SERPINB13: variants seen among roughly 807,000 people sequenced by gnomAD.
SERPINB13 encodes serpin B13.
In SERPINB13, 26 loss-of-function variants were observed where a neutral mutation model predicts 31.2. The ratio of observed to expected loss-of-function variants is 0.83; its 90% confidence interval spans 0.61 to 1.15. The LOEUF (loss-of-function observed/expected upper bound fraction) is 1.15. Ranked by LOEUF, SERPINB13 falls within the 50% of genes most tolerant of loss-of-function variation. SERPINB13 has a pLI of 0.00. For missense variants in SERPINB13, 510 were observed against 469.4 expected, an observed-to-expected ratio of 1.09 and a Z score of -0.80; for synonymous variants, 191 against 172.4, an observed-to-expected ratio of 1.11 and a Z score of -0.85.
At chr18:63,596,167 T>C (rs1385288251) in intron 7 of SERPINB13, among the ~76,000 whole-genome samples, 2 of 152,182 alleles carry the variant, frequency 1.3e-5, no homozygotes, top group East Asian at 3.9e-4. Context: ...AGCACTCAAA[T>C]GATAACTGCT....
chr18:63,587,681 G>A (rs1487771182), intron 1 of SERPINB13, among the ~76,000 whole-genome samples: 1 of 152,242 alleles, frequency 6.6e-6, no homozygotes, highest in Non-Finnish European at 1.5e-5. Flanking sequence ...TGAAATGAAA[G>A]CTTTGATATC....
At chr18:63,592,827 T>C in intron 4 of SERPINB13, 27 bp from the exon 5 acceptor site, 1 of 1,435,962 alleles carries the variant, frequency 7.0e-7, no homozygotes, top group Non-Finnish European at 9.7e-7. Flanking sequence ...TTAACCTCTT[T>C]TTATTCCTTC....
chr18:63,594,980 C>T (rs1912075924), intron 6 of SERPINB13, 49 bp from the exon 7 acceptor site: 3 of 1,541,516 alleles, frequency 1.9e-6, no homozygotes, highest in Non-Finnish European at 2.6e-6. Flanking sequence ...GCCTTAATGC[C>T]TTTGGTCTTA....
intron 2 of SERPINB13, among the ~76,000 whole-genome samples, chr18:63,589,420 AC>A (rs1382861319): frequency 6.6e-6 from 1 of 150,570 alleles, no homozygotes; most frequent in Non-Finnish European, 1.5e-5. Context: ...ATGCCACTTC[AC>A]TCCAACCTGG....
chr18:63,589,306 C>T (rs560258307), intron 2 of SERPINB13, among the ~76,000 whole-genome samples: 3 of 152,248 alleles, frequency 2.0e-5, no homozygotes, highest in Admixed American at 6.5e-5. Context: ...CAGGCATGAG[C>T]TTAGCTGGGT....
chr18:63,597,404 A>G lies in SERPINB13; in HGVS notation c.*41A>G, dbSNP rs986521636. ...GGCATTGCTGCTTTTAGCAAAAAAC[A>G]ACTACCAGTGTTACTCATATGATTA... On this transcript the variant is annotated 3_prime_UTR_variant, in exon 8 of 8. Coordinates refer to ENST00000344731, the MANE Select transcript of SERPINB13 (RefSeq NM_012397.4). The G allele has an allele frequency of 1.9e-6, 3 of 1,558,984 alleles. No individual in the cohort carries two copies. Among genetic ancestry groups the G allele is most frequent in the Non-Finnish European group, 2.6e-6 (3 of 1,148,064 alleles).
chr18:63,594,401 C>A lies in SERPINB13; in HGVS notation c.519C>A (p.Thr173=). ...LFPDGSISSS[T]KLVLVNMVYF... The stretch of plus-strand genomic sequence containing the variant: ...CAGATGGCTCTATTAGTAGCTCTAC[C>A]AAGCTGGTGCTGGTGAACATGGTTT... Residue 173 remains threonine (T), a synonymous_variant, in exon 6 of 8, where the codon ACC becomes ACA. Coordinates refer to ENST00000344731, the MANE Select transcript of SERPINB13 (RefSeq NM_012397.4). The A allele has an allele frequency of 3.1e-6, 5 of 1,614,134 alleles. No individual in the cohort carries two copies. The highest frequency in any genetic ancestry group is 4.2e-6 in the Non-Finnish European group (5 of 1,179,996).
In SERPINB13 at chr18:63,595,133, C is replaced by T. The variant is rs17071357; in HGVS notation, c.720C>T (p.Asn240=). Residue 240 remains asparagine (N), a synonymous_variant, in exon 7 of 8, where the codon AAC becomes AAT. Coordinates refer to ENST00000344731, the MANE Select transcript of SERPINB13 (RefSeq NM_012397.4). ...AKILGIPYKN[N]DLSMFVLLPN... is the part of the protein sequence containing the mutation. ...TTCTAGGGATTCCATATAAAAACAA[C>T]GACCTAAGCATGTTTGTGCTTCTGC... 0.052 allele frequency: 83,121 copies of T among 1,613,768 alleles called. 2,434 individuals carry two copies. The highest frequency in any genetic ancestry group is 0.1 in the Admixed American group (6,001 of 59,952).
rs368658099 is a variant in SERPINB13, at chr18:63,595,163, C to T, written c.750C>T (p.Asn250=). The change falls in exon 7 of 8, where the codon AAC becomes AAT. Residue 250 remains asparagine (N), a synonymous_variant. Transcript: ENST00000344731. ...TAAGCATGTTTGTGCTTCTGCCCAA[C>T]GACATCGATGGCCTGGAGAAGGTAA... is the stretch of plus-strand genomic sequence containing the variant. ...NDLSMFVLLP[N]DIDGLEKIID... 258 of 1,613,002 alleles carry T rather than the reference C, an allele frequency of 1.6e-4. No homozygotes were observed. Among genetic ancestry groups the T allele is most frequent in the Non-Finnish European group, 1.9e-4 (228 of 1,179,684 alleles).
intron 3 of SERPINB13, 193 bp downstream of exon 3, chr18:63,589,908 C>T: frequency 8.8e-7 from 1 of 1,140,910 alleles, no homozygotes; most frequent in Non-Finnish European, 1.2e-6. Flanking sequence ...TAATAATAAC[C>T]CCTTAATATT....
Position 63,597,095 on chromosome 18 carries a change from T to G in SERPINB13, c.908T>G (p.Met303Arg), listed in dbSNP as rs762818259. The G allele has an allele frequency of 6.8e-5, 109 of 1,614,056 alleles. No individual in the cohort carries two copies. Among genetic ancestry groups the G allele is most frequent in the Non-Finnish European group, 9.0e-5 (106 of 1,180,030 alleles). The change falls in exon 8 of 8, where the codon ATG becomes AGG. Residue 303 changes from methionine to arginine, a missense_variant. Coordinates refer to ENST00000344731, the MANE Select transcript of SERPINB13 (RefSeq NM_012397.4). ...GATCTAGAGGCGGTCCTGGCTGCCATGGGGATGGGCGATGCCTTCAGTGAG... is the reference window on the plus strand; with the variant it reads ...GATCTAGAGGCGGTCCTGGCTGCCAGGGGGATGGGCGATGCCTTCAGTGAG... ...GYDLEAVLAAMGMGDAFSEHK... is the reference protein window; with the variant it reads ...GYDLEAVLAARGMGDAFSEHK...
chr18:63,595,488 T>C (rs1912111293), intron 7 of SERPINB13, among the ~76,000 whole-genome samples: 1 of 152,150 alleles, frequency 6.6e-6, no homozygotes, highest in Non-Finnish European at 1.5e-5. Flanking sequence ...AAAAAAGAAA[T>C]CACATATGCA....
In SERPINB13 at chr18:63,597,100, A is replaced by T. The variant is rs558201022; in HGVS notation, c.913A>T (p.Met305Leu). Residue 305 changes from methionine to leucine, a missense_variant, in exon 8 of 8, where the codon ATG (methionine) becomes TTG (leucine). Physicochemically the swap from Met to Leu is conservative, Grantham distance 15. Transcript: ENST00000344731. ...DLEAVLAAMG[M>L]GDAFSEHKAD... Reference sequence around the variant, plus strand: ...AGAGGCGGTCCTGGCTGCCATGGGGATGGGCGATGCCTTCAGTGAGCACAA... The same window carrying T: ...AGAGGCGGTCCTGGCTGCCATGGGGTTGGGCGATGCCTTCAGTGAGCACAA... 5.6e-6 allele frequency: 9 copies of T among 1,614,160 alleles called. No homozygotes were observed. The highest frequency in any genetic ancestry group is 1.3e-5 in the African/African-American group (1 of 75,048).
At position 63,589,646 on chromosome 18, in the gene SERPINB13, T is replaced by C; in HGVS notation, c.166-10T>C. ...CTGAGCACCACAGTAATATTTTCTA[T>C]CTCTTCCAGGTGTTTCACTCTGAAA... On this transcript the variant is annotated splice_polypyrimidine_tract_variant and intron_variant, in intron 2 of 7. Coordinates refer to ENST00000344731, the MANE Select transcript of SERPINB13 (RefSeq NM_012397.4). 2.5e-6 allele frequency: 4 copies of C among 1,613,076 alleles called. No homozygotes were observed. The highest frequency in any genetic ancestry group is 1.7e-5 in the Admixed American group (1 of 59,922).
chr18:63,588,169 C>T (rs1054713527), intron 1 of SERPINB13, among the ~76,000 whole-genome samples: 2 of 152,144 alleles, frequency 1.3e-5, no homozygotes, highest in Non-Finnish European at 2.9e-5. Context: ...ATTCAAGTCT[C>T]GGCTTAATTA....
In SERPINB13 at chr18:63,598,046, T is replaced by TTG. The variant is rs1311846369; in HGVS notation, c.*685_*686dup. 6.6e-6 allele frequency: 1 copy of TTG among 152,192 alleles called. No individual in the cohort carries two copies. Among genetic ancestry groups the TTG allele is most frequent in the Non-Finnish European group, 1.5e-5 (1 of 68,018 alleles). The allele number at this position is 152,192 out of a possible 1,614,324, so 9.4% of individuals were successfully genotyped here. The stretch of plus-strand genomic sequence containing the variant: ...TCCTCCTCTATCACCTTTTTAGACT[T>TTG]TGTAAGGTAAATATTTGGACTAACT... On this transcript the variant is annotated 3_prime_UTR_variant, in exon 8 of 8. Transcript: ENST00000344731.
chr18:63,597,331 A>G lies in SERPINB13; in HGVS notation c.1144A>G (p.Ile382Val), dbSNP rs1912244382. 4.3e-6 allele frequency: 7 copies of G among 1,613,718 alleles called. No homozygotes were observed. Among genetic ancestry groups the G allele is most frequent in the African/African-American group, 1.3e-5 (1 of 75,046 alleles). The change falls in exon 8 of 8, where the codon ATC becomes GTC. Residue 382 changes from isoleucine to valine, a missense_variant. Transcript: ENST00000344731. ...CATCAGGCACAATGAATCCAACAGC[A>G]TCCTCTTCTTCGGCAGATTTTCTTC... ...FFIRHNESNS[I>V]LFFGRFSSP is the part of the protein sequence containing the mutation.
intron 3 of SERPINB13, chr18:63,589,935 T>A: frequency 4.5e-6 from 4 of 896,336 alleles, no homozygotes; most frequent in Non-Finnish European, 6.4e-6. Flanking sequence ...AGACCTTAGG[T>A]GTAATGGACA....
At chr18:63,588,282 G>A (rs1006055365) in intron 1 of SERPINB13, among the ~76,000 whole-genome samples, 4 of 152,178 alleles carry the variant, frequency 2.6e-5, no homozygotes, top group African/African-American at 7.2e-5. Context: ...GGACAAACTG[G>A]TGTCGCCTGG....
Sources: gnomAD v4.1 joint callset for allele counts (sites outside exome capture counted in the v4.1 genomes callset) on GRCh38, gnomAD v4.1.1 for gene constraint, MANE v1.5 for transcripts, NCBI Gene and HGNC (gene_info 2026-07-23, HGNC 2026-07-21) for gene names.